Variants in ARSG observed in about 807,000 individuals in gnomAD.
ARSG encodes the protein arylsulfatase G, also known as ASG.
A neutral mutation model predicts 50.5 loss-of-function variants in ARSG; 37 were observed. The observed-to-expected ratio is 0.73, with a 90% confidence interval of 0.56 to 0.96. The LOEUF is 0.96. ARSG is among the 50% of genes least tolerant of loss of function. The pLI, the probability that ARSG is intolerant of heterozygous loss-of-function variation, is 0.00. For synonymous variants in ARSG, 225 were observed against 254.6 expected, an observed-to-expected ratio of 0.88 and a Z score of 1.11; for missense variants, 629 against 675.3, an observed-to-expected ratio of 0.93 and a Z score of 0.76.
intron 9 of ARSG, among the ~76,000 whole-genome samples, chr17:68,392,216 C>T: frequency 6.6e-6 from 1 of 152,230 alleles, no homozygotes; most frequent in Non-Finnish European, 1.5e-5. Context: ...GCCCCGCTGA[C>T]TTCCAGTTGG....
downstream of ARSG, chr17:68,424,585 A>G (rs756367908): frequency 3.6e-5 from 18 of 499,554 alleles, no homozygotes; most frequent in Admixed American, 2.2e-4. Context: ...TGGCCCAAAC[A>G]CTACTTCCGG....
At chr17:68,333,662 A>AATG (rs2077886075) in intron 2 of ARSG, among the ~76,000 whole-genome samples, 1 of 149,060 alleles carries the variant, frequency 6.7e-6, no homozygotes, top group Non-Finnish European at 1.5e-5. Context: ...TAATAATAAT[A>AATG]ATAATAATAA....
In ARSG at chr17:68,271,586, T is replaced by A; in HGVS notation, c.-552+12160T>A. 1 of 1,614,212 alleles carries A rather than the reference T, an allele frequency of 6.2e-7. No individual in the cohort carries two copies. The highest frequency in any genetic ancestry group is 8.5e-7 in the Non-Finnish European group (1 of 1,180,038). On this transcript the variant is annotated intron_variant, in intron 1 of 11. Transcript: ENST00000448504. The surrounding 1 kb of genome is among the most constrained non-coding windows in gnomAD (Gnocchi z 5.3). ...AGCAGTGCTCCGAAGATGACAATGT[T>A]TAACTGTAGTAGGCCCACGAAGAGG... is the stretch of plus-strand genomic sequence containing the variant.
At chr17:68,310,600 A>C (rs1046547647) in intron 2 of ARSG, among the ~76,000 whole-genome samples, 4 of 152,192 alleles carry the variant, frequency 2.6e-5, no homozygotes, top group Non-Finnish European at 5.9e-5. Context: ...CTGATTGTCC[A>C]GCTCGGATTC....
intron 1 of ARSG, among the ~76,000 whole-genome samples, chr17:68,278,617 CTTTTTTTT>C (rs56870988): frequency 8.9e-6 from 1 of 111,980 alleles, no homozygotes; most frequent in Admixed American, 1.0e-4. Context: ...TTTCTTTTTC[CTTTTTTTT>C]TTTTTTTTTT....
chr17:68,265,637 C>G (rs1385230161), intron 1 of ARSG, among the ~76,000 whole-genome samples: 1 of 151,426 alleles, frequency 6.6e-6, no homozygotes, highest in Non-Finnish European at 1.5e-5. Context: ...TCTGGCGGTA[C>G]TGACCTGTGC....
chr17:68,361,492 T>C (rs1412977769), intron 6 of ARSG, among the ~76,000 whole-genome samples: 1 of 151,922 alleles, frequency 6.6e-6, no homozygotes, highest in African/African-American at 2.4e-5. Context: ...GGGTAGGAGA[T>C]TGCTTGAGCT....
chr17:68,263,362 A>G (rs2075103570), intron 1 of ARSG, among the ~76,000 whole-genome samples: 2 of 152,248 alleles, frequency 1.3e-5, no homozygotes, highest in South Asian at 4.1e-4. Flanking sequence ...TCTGAAAACA[A>G]GGGCAGCTTC....
chr17:68,310,687 G>A (rs2076817678), intron 2 of ARSG, among the ~76,000 whole-genome samples: 1 of 152,174 alleles, frequency 6.6e-6, no homozygotes, highest in Admixed American at 6.5e-5. Flanking sequence ...GACGCATAGG[G>A]CATCTCCACA....
chr17:68,424,576 G>A (rs1157602375), downstream of ARSG: 4 of 512,592 alleles, frequency 7.8e-6, no homozygotes, highest in African/African-American at 2.0e-5. Context: ...TCCAAGTCTT[G>A]GCCCAAACAC....
At chr17:68,309,665 C>T (rs1442161886) in intron 2 of ARSG, among the ~76,000 whole-genome samples, 1 of 152,020 alleles carries the variant, frequency 6.6e-6, no homozygotes, top group African/African-American at 2.4e-5. Context: ...TCGAGACTAG[C>T]CTGGCCAACC....
At chr17:68,259,201 G>A (rs1216672120) in exon 1 of ARSG, 11 of 152,266 alleles carry the variant, frequency 7.2e-5, no homozygotes, top group African/African-American at 2.7e-4. Context: ...CAGGCCGGCG[G>A]GCCCAGCAGC....
chr17:68,449,454 G>A, the ARSG span, among the ~76,000 whole-genome samples: 1 of 152,186 alleles, frequency 6.6e-6, no homozygotes, highest in African/African-American at 2.4e-5. Flanking sequence ...GGGAAACACT[G>A]TAATATGATT....
chr17:68,395,323 C>T, intron 10 of ARSG, 130 bp downstream of exon 10: 1 of 1,394,104 alleles, frequency 7.2e-7, no homozygotes, highest in South Asian at 1.3e-5. Flanking sequence ...TACAGTGGCT[C>T]ACGCCTGTAA....
At chr17:68,430,887 A>T in the ARSG span, among the ~76,000 whole-genome samples, 1 of 152,234 alleles carries the variant, frequency 6.6e-6, no homozygotes, top group African/African-American at 2.4e-5. Flanking sequence ...CTGCAGGATT[A>T]GGTCCTGGTG....
At chr17:68,274,008 G>GC (rs782184620) in intron 1 of ARSG, 6 of 1,613,832 alleles carry the variant, frequency 3.7e-6, no homozygotes, top group South Asian at 1.1e-5. Flanking sequence ...CTGACAAGTA[G>GC]CCCCCCCAAC....
intron 5 of ARSG, among the ~76,000 whole-genome samples, chr17:68,355,276 A>C (rs1252519304): frequency 6.6e-6 from 1 of 152,348 alleles, no homozygotes; most frequent in South Asian, 2.1e-4. Context: ...AGAGATCATG[A>C]CCAGAGTCAG....
At position 68,271,574 on chromosome 17, in the gene ARSG, A is replaced by C; in HGVS notation, c.-552+12148A>C. ...AAGATGGGTCTGAGCAGTGCTCCGA[A>C]GATGACAATGTTTAACTGTAGTAGG... On this transcript the variant is annotated intron_variant, in intron 1 of 11. Transcript: ENST00000448504. This position sits in a 1 kb window ranked among gnomAD's most constrained non-coding sequence, Gnocchi z 5.3. 1 of 1,614,204 alleles carries C rather than the reference A, an allele frequency of 6.2e-7. No individual in the cohort carries two copies. The highest frequency in any genetic ancestry group is 8.5e-7 in the Non-Finnish European group (1 of 1,180,030).
intron 2 of ARSG, among the ~76,000 whole-genome samples, chr17:68,313,528 A>G (rs1185291306): frequency 1.3e-5 from 2 of 151,862 alleles, no homozygotes; most frequent in Non-Finnish European, 2.9e-5. Context: ...TTGAAGGCCC[A>G]CCCTACTCCA....
Sources: gnomAD v4.1 joint callset for allele counts (sites outside exome capture counted in the v4.1 genomes callset) on GRCh38, gnomAD v4.1.1 for gene constraint, Gnocchi (gnomAD v3.1) non-coding constraint, MANE v1.5 for transcripts, NCBI Gene and HGNC (gene_info 2026-07-23, HGNC 2026-07-21) for gene names.